Variants in FHIP1A observed in about 807,000 individuals in gnomAD.
FHIP1A encodes the protein FHF complex subunit HOOK-interacting protein 1A.
A neutral mutation model predicts 88.6 loss-of-function variants in FHIP1A; 61 were observed. That is an observed-to-expected ratio of 0.69 (90% confidence interval 0.56 to 0.85). The LOEUF (loss-of-function observed/expected upper bound fraction) is 0.85, where lower values mean the gene tolerates loss of function less well. Ranked by LOEUF, FHIP1A falls within the 40% of genes least tolerant of loss-of-function variation. The pLI, the probability that FHIP1A is intolerant of heterozygous loss-of-function variation, is 0.00. For synonymous variants in FHIP1A, 478 were observed against 496.0 expected (o/e 0.96, Z 0.48); for missense variants, 1,154 against 1,273.5 (o/e 0.91, Z 1.43).
intron 3 of FHIP1A, among the ~76,000 whole-genome samples, chr4:151,489,635 C>G (rs561016279): frequency 8.9e-4 from 136 of 152,206 alleles, no homozygotes; most frequent in Non-Finnish European, 1.2e-3. Flanking sequence ...GTGCTGTTAT[C>G]GAGGCATGGT....
At chr4:151,561,076 C>T (rs758026530) in intron 3 of FHIP1A, among the ~76,000 whole-genome samples, 14 of 151,936 alleles carry the variant, frequency 9.2e-5, no homozygotes, top group Non-Finnish European at 1.3e-4. Flanking sequence ...AGGTGTAAAA[C>T]GAGGTAGGAT....
chr4:151,529,211 C>G (rs1731787073), intron 3 of FHIP1A, among the ~76,000 whole-genome samples: 1 of 152,078 alleles, frequency 6.6e-6, no homozygotes, highest in Admixed American at 6.5e-5. Context: ...GGGAAGCTTA[C>G]TGTTAGATCC....
At chr4:151,482,801 A>G in intron 3 of FHIP1A, among the ~76,000 whole-genome samples, 153 bp downstream of exon 3, 1 of 151,988 alleles carries the variant, frequency 6.6e-6, no homozygotes, top group East Asian at 1.9e-4. Flanking sequence ...GCTGTACTCT[A>G]TCCTCTATGT....
At chr4:151,475,151 A>T (rs1175030045) in intron 2 of FHIP1A, among the ~76,000 whole-genome samples, 1 of 152,170 alleles carries the variant, frequency 6.6e-6, no homozygotes, top group African/African-American at 2.4e-5. Context: ...GTATCCATTC[A>T]TTCATTTGTT....
chr4:151,597,097 G>A (rs540500019), intron 7 of FHIP1A, among the ~76,000 whole-genome samples: 1 of 152,276 alleles, frequency 6.6e-6, no homozygotes, highest in South Asian at 2.1e-4. Flanking sequence ...CTTTGGAGGA[G>A]AAGAGGCATT....
At chr4:151,606,632 G>A (rs566660331) in intron 7 of FHIP1A, among the ~76,000 whole-genome samples, 12 of 152,240 alleles carry the variant, frequency 7.9e-5, no homozygotes, top group Middle Eastern at 3.4e-3. Flanking sequence ...ATAATTTGCA[G>A]AAAACCCCAC....
chr4:151,514,467 A>G (rs1731152423), intron 3 of FHIP1A, among the ~76,000 whole-genome samples: 1 of 151,730 alleles, frequency 6.6e-6, no homozygotes, highest in East Asian at 1.9e-4. Flanking sequence ...GCAGAACTGA[A>G]GGAAATAGAG....
At chr4:151,469,485 G>T (rs999259497) in intron 2 of FHIP1A, among the ~76,000 whole-genome samples, 2 of 152,124 alleles carry the variant, frequency 1.3e-5, no homozygotes, top group Non-Finnish European at 2.9e-5. Context: ...TGACACTAAG[G>T]CTTACAGGTG....
chr4:151,607,443 C>T (rs1735116812), intron 7 of FHIP1A, among the ~76,000 whole-genome samples: 1 of 152,180 alleles, frequency 6.6e-6, no homozygotes. Flanking sequence ...CAGTGACAGC[C>T]AGCTATTAAG....
intron 11 of FHIP1A, among the ~76,000 whole-genome samples, chr4:151,652,494 TG>T (rs1578865749): frequency 6.6e-6 from 1 of 152,260 alleles, no homozygotes; most frequent in Non-Finnish European, 1.5e-5. Flanking sequence ...TATTTATTCA[TG>T]TGTTCAGCAA....
intron 2 of FHIP1A, among the ~76,000 whole-genome samples, chr4:151,455,243 A>T (rs1299493643): frequency 1.3e-5 from 2 of 152,216 alleles, no homozygotes; most frequent in Non-Finnish European, 2.9e-5. Flanking sequence ...AATTAAAGCT[A>T]TCAAAGCCAA....
chr4:151,526,574 C>T (rs1395666480), intron 3 of FHIP1A, among the ~76,000 whole-genome samples: 21 of 134,544 alleles, frequency 1.6e-4, no homozygotes, highest in South Asian at 2.4e-4. Context: ...GCAGAGGCGC[C>T]CCTCACCTCC....
chr4:151,579,467 G>A (rs1733941956), intron 5 of FHIP1A, among the ~76,000 whole-genome samples: 2 of 152,090 alleles, frequency 1.3e-5, no homozygotes, highest in Admixed American at 1.3e-4. Flanking sequence ...ACGTGGTTTG[G>A]GTTTTAGCTT....
intron 8 of FHIP1A, among the ~76,000 whole-genome samples, chr4:151,634,658 C>G (rs190140530): frequency 1.3e-5 from 2 of 151,714 alleles, no homozygotes; most frequent in African/African-American, 4.8e-5. Context: ...TAGGAAAGGA[C>G]GGTTTCATCA....
At chr4:151,552,030 A>G (rs1358572337) in intron 3 of FHIP1A, among the ~76,000 whole-genome samples, 2 of 152,234 alleles carry the variant, frequency 1.3e-5, no homozygotes, top group Admixed American at 6.5e-5. Context: ...ATGAACAGAC[A>G]CTTTTCAAAA....
chr4:151,646,478 T>G (rs149590372), intron 9 of FHIP1A, 80 bp from the exon 10 acceptor site: 1 of 940,866 alleles, frequency 1.1e-6, no homozygotes, highest in South Asian at 1.6e-5. Context: ...CCACAAGGAG[T>G]CCCTGTTATG....
chr4:151,607,537 T>C (rs977258531), intron 7 of FHIP1A, among the ~76,000 whole-genome samples: 1 of 152,238 alleles, frequency 6.6e-6, no homozygotes, highest in Admixed American at 6.5e-5. Flanking sequence ...GTGTGTACCA[T>C]CTAATATATT....
intron 4 of FHIP1A, among the ~76,000 whole-genome samples, chr4:151,567,927 T>C (rs917540199): frequency 6.6e-6 from 1 of 152,224 alleles, no homozygotes; most frequent in Non-Finnish European, 1.5e-5. Flanking sequence ...TTTTGTTTAT[T>C]CGTTTGCGCA....
At chr4:151,463,200 A>G (rs1387012344) in intron 2 of FHIP1A, among the ~76,000 whole-genome samples, 1 of 152,128 alleles carries the variant, frequency 6.6e-6, no homozygotes, top group Non-Finnish European at 1.5e-5. Context: ...TTTAGAAGAG[A>G]TGGGTTTTGC....
Sources: gnomAD v4.1 joint callset for allele counts (sites outside exome capture counted in the v4.1 genomes callset) on GRCh38, gnomAD v4.1.1 for gene constraint, MANE v1.5 for transcripts, NCBI Gene and HGNC (gene_info 2026-07-23, HGNC 2026-07-21) for gene names.